Variants in CELA3B observed in about 807,000 individuals in gnomAD.
The protein encoded by CELA3B is chymotrypsin like elastase 3B.
Under a neutral mutation model 37.2 loss-of-function variants are expected in CELA3B, and 34 were observed. The observed-to-expected ratio is 0.91, with a 90% CI of 0.70 to 1.22. The LOEUF (loss-of-function observed/expected upper bound fraction) is 1.22. Ranked by LOEUF, CELA3B falls within the 50% of genes most tolerant of loss-of-function variation. CELA3B has a pLI of 0.00. For missense variants in CELA3B, 340 were observed against 363.1 expected (o/e 0.94, Z 0.52); for synonymous variants, 127 against 143.5 (o/e 0.89, Z 0.82).
rs1235270492 is a variant in CELA3B, at chr1:21,996,576, C to G, written c.505-1575C>G. On this transcript the variant is annotated intron_variant, in intron 4 of 4. Transcript: ENST00000400277. Reference sequence around the variant, plus strand: ...GTCTATGGAGTAACCATTCTTTATACCTTTACTTTCTTAATTAACTTGCTT... The same window carrying G: ...GTCTATGGAGTAACCATTCTTTATAGCTTTACTTTCTTAATTAACTTGCTT... Among the ~76,000 whole-genome samples, 5 of 151,292 alleles carry G rather than the reference C, an allele frequency of 3.3e-5. No homozygotes were observed. The East Asian group carries it at 9.8e-4, about 30-fold the overall frequency.
chr1:21,981,365 C>T (rs1340502878), intron 4 of CELA3B, among the ~76,000 whole-genome samples, 193 bp downstream of exon 4: 1 of 144,796 alleles, frequency 6.9e-6, no homozygotes, highest in African/African-American at 2.6e-5. Context: ...CACCACCAAA[C>T]CTGTCTCCCT....
At chr1:21,998,080 A>T in intron 4 of CELA3B, 1 of 464,394 alleles carries the variant, frequency 2.2e-6, no homozygotes, top group Non-Finnish European at 4.5e-6. Flanking sequence ...AGGTCCCATA[A>T]TCTCATTCCC....
At chr1:21,985,681 G>A (rs1644833271) in intron 6 of CELA3B, among the ~76,000 whole-genome samples, 2 of 151,630 alleles carry the variant, frequency 1.3e-5, no homozygotes, top group Non-Finnish European at 2.9e-5. Flanking sequence ...CACGAGGTCA[G>A]GAGATCGAGA....
chr1:21,993,461 C>CA (rs58752734), downstream of CELA3B, among the ~76,000 whole-genome samples: 190 of 81,574 alleles, frequency 2.3e-3, no homozygotes, highest in Middle Eastern at 7.7e-3. Flanking sequence ...ACCTCCTCTC[C>CA]AAAAAAAAAA....
At chr1:21,992,318 A>G (rs1482257676), downstream of CELA3B, among the ~76,000 whole-genome samples, 3 of 151,664 alleles carry the variant, frequency 2.0e-5, no homozygotes, top group African/African-American at 7.3e-5. Context: ...GCTTGAAGCT[A>G]GGAGTTCAAG....
At chr1:21,994,508 A>C (rs140155659) in intron 4 of CELA3B, among the ~76,000 whole-genome samples, 1 of 150,484 alleles carries the variant, frequency 6.6e-6, no homozygotes, top group Non-Finnish European at 1.5e-5. Context: ...TAAATTCCCT[A>C]TACTTCAAAT....
chr1:21,986,588 G>A lies in CELA3B; in HGVS notation c.700G>A (p.Gly234Ser). The part of the protein sequence containing the change: ...PTEDGGWQVH[G>S]VTSFVSAFGC... Reference sequence around the variant, plus strand: ...AGAGGATGGTGGCTGGCAGGTCCATGGCGTGACCAGCTTTGTTTCTGCCTT... The same window carrying A: ...AGAGGATGGTGGCTGGCAGGTCCATAGCGTGACCAGCTTTGTTTCTGCCTT... The change falls in exon 7 of 8, where the codon GGC becomes AGC. Residue 234 changes from glycine to serine, a missense_variant. Coordinates refer to ENST00000337107, the MANE Select transcript of CELA3B (RefSeq NM_007352.4). 6.2e-7 allele frequency: 1 copy of A among 1,614,108 alleles called. No homozygotes were observed. The highest frequency in any genetic ancestry group is 8.5e-7 in the Non-Finnish European group (1 of 1,180,018).
chr1:21,997,316 G>C (rs550293286), intron 4 of CELA3B, among the ~76,000 whole-genome samples: 3 of 139,928 alleles, frequency 2.1e-5, no homozygotes, highest in Non-Finnish European at 4.6e-5. Flanking sequence ...AGCTGAGATC[G>C]TGCCATTGCA....
At chr1:21,986,474 C>T (rs1362294706) in intron 6 of CELA3B, 57 bp from the exon 7 acceptor site, 69 of 1,597,800 alleles carry the variant, frequency 4.3e-5, no homozygotes, top group Non-Finnish European at 5.9e-5. Flanking sequence ...GAATTCAGAA[C>T]CAGTTCCATA....
At chr1:21,978,826 C>T (rs967663201) in intron 2 of CELA3B, among the ~76,000 whole-genome samples, 4 of 151,786 alleles carry the variant, frequency 2.6e-5, no homozygotes, top group Non-Finnish European at 4.4e-5. Flanking sequence ...AGTGAGGGAT[C>T]TTGTAAGGCC....
downstream of CELA3B, among the ~76,000 whole-genome samples, chr1:21,991,576 TC>T (rs1205867435): frequency 3.3e-5 from 5 of 151,084 alleles, no homozygotes; most frequent in Admixed American, 6.6e-5. Context: ...CCTCAAGTGA[TC>T]CACCCGCCTT....
At chr1:21,980,527 C>A (rs1216346323) in intron 2 of CELA3B, among the ~76,000 whole-genome samples, 4 of 149,844 alleles carry the variant, frequency 2.7e-5, no homozygotes, top group Non-Finnish European at 6.0e-5. Flanking sequence ...GAACAGAGGG[C>A]CTTCAAGGGC....
intron 4 of CELA3B, among the ~76,000 whole-genome samples, chr1:21,982,336 G>A (rs550630637): frequency 6.6e-4 from 100 of 152,132 alleles, no homozygotes; most frequent in African/African-American, 2.3e-3. Context: ...GGCCAGGCAC[G>A]GTAATCCCAG....
intron 6 of CELA3B, among the ~76,000 whole-genome samples, chr1:21,984,747 G>C (rs111796525): frequency 0.042 from 6,352 of 152,120 alleles, 260 homozygotes; most frequent in African/African-American, 0.11. Context: ...AGGAGTTCGA[G>C]ACCAGCCTGG....
At chr1:21,989,804 G>C (rs565379011), downstream of CELA3B, among the ~76,000 whole-genome samples, 2 of 150,900 alleles carry the variant, frequency 1.3e-5, 1 homozygote, top group African/African-American at 4.9e-5. Context: ...CTTATTCCTT[G>C]TTTTAAAGGA....
intron 6 of CELA3B, among the ~76,000 whole-genome samples, 185 bp downstream of exon 6, chr1:21,984,516 G>A (rs948922703): frequency 4.6e-5 from 7 of 151,970 alleles, no homozygotes; most frequent in African/African-American, 1.4e-4. Flanking sequence ...CAGGACCCCC[G>A]GGTTGCAGTC....
chr1:21,986,444 G>A (rs542313708), intron 6 of CELA3B, 87 bp from the exon 7 acceptor site: 120 of 1,536,390 alleles, frequency 7.8e-5, no homozygotes, highest in South Asian at 6.5e-4. Context: ...AGGTAATGTC[G>A]GAGTTTCTCG....
At chr1:21,989,770 G>C (rs1010549198), downstream of CELA3B, among the ~76,000 whole-genome samples, 1 of 150,890 alleles carries the variant, frequency 6.6e-6, no homozygotes, top group Admixed American at 6.6e-5. Context: ...TGGGGGCTTT[G>C]GTTATTCATT....
At chr1:21,988,605 A>C (rs2152817248) in intron 7 of CELA3B, among the ~76,000 whole-genome samples, 1 of 140,874 alleles carries the variant, frequency 7.1e-6, no homozygotes, top group South Asian at 2.3e-4. Context: ...AAAAAAAAAA[A>C]AAAAAGCCGG....
Sources: gnomAD v4.1 joint callset for allele counts (sites outside exome capture counted in the v4.1 genomes callset) on GRCh38, gnomAD v4.1.1 for gene constraint, MANE v1.5 for transcripts, NCBI Gene and HGNC (gene_info 2026-07-23, HGNC 2026-07-21) for gene names.